Variants in ADAMTSL1 observed in about 807,000 individuals in gnomAD.
The protein encoded by ADAMTSL1 is ADAMTS like 1, also known as ADAMTS-like protein 1.
Under a neutral mutation model 201.8 loss-of-function variants are expected in ADAMTSL1, and 126 were observed. The ratio of observed to expected loss-of-function variants is 0.62; its 90% CI spans 0.54 to 0.72. ADAMTSL1 has a LOEUF of 0.72. ADAMTSL1 is among the 30% of genes least tolerant of loss of function. The pLI is 0.00. For missense variants in ADAMTSL1, 2,679 were observed against 2,277.8 expected, an observed-to-expected ratio of 1.18 and a Z score of -3.59; for synonymous variants, 1,121 against 903.4, an observed-to-expected ratio of 1.24 and a Z score of -4.32.
intron 1 of ADAMTSL1, among the ~76,000 whole-genome samples, chr9:18,122,290 T>C (rs544402498): frequency 6.6e-6 from 1 of 152,290 alleles, no homozygotes; most frequent in Non-Finnish European, 1.5e-5. Context: ...CATGAATAGA[T>C]ACACCATGTG....
intron 2 of ADAMTSL1, among the ~76,000 whole-genome samples, chr9:18,527,493 A>C (rs111364645): frequency 2.0e-5 from 3 of 152,304 alleles, no homozygotes; most frequent in African/African-American, 4.8e-5. Context: ...CTTTTTAAAA[A>C]GGCTTATATG....
chr9:18,161,630 A>C (rs1382535973), intron 1 of ADAMTSL1, among the ~76,000 whole-genome samples: 1 of 152,056 alleles, frequency 6.6e-6, no homozygotes, highest in Non-Finnish European at 1.5e-5. Flanking sequence ...CTAGAGCTTG[A>C]AGAGCTGTGA....
chr9:18,316,832 C>T (rs372383067), intron 2 of ADAMTSL1, among the ~76,000 whole-genome samples: 1 of 152,128 alleles, frequency 6.6e-6, no homozygotes, highest in Non-Finnish European at 1.5e-5. Flanking sequence ...TTACAATCCA[C>T]GTTCTTCTGC....
chr9:18,765,107 T>C (rs923217262), intron 16 of ADAMTSL1, among the ~76,000 whole-genome samples: 2 of 152,252 alleles, frequency 1.3e-5, no homozygotes, highest in Non-Finnish European at 2.9e-5. Context: ...ACTGAACAGC[T>C]TGAATCTGAG....
chr9:18,239,198 A>C (rs1830965508), intron 2 of ADAMTSL1, among the ~76,000 whole-genome samples: 1 of 152,152 alleles, frequency 6.6e-6, no homozygotes, highest in Non-Finnish European at 1.5e-5. Flanking sequence ...AGCTGTAATA[A>C]TACCTTAAGA....
intron 4 of ADAMTSL1, among the ~76,000 whole-genome samples, chr9:18,593,638 A>G (rs1423469088): frequency 2.0e-5 from 3 of 151,850 alleles, no homozygotes; most frequent in East Asian, 3.9e-4. Flanking sequence ...AGGTTTTTCA[A>G]TTTTCTTCTT....
intron 1 of ADAMTSL1, among the ~76,000 whole-genome samples, chr9:17,913,822 A>AG (rs1053462566): frequency 6.6e-6 from 1 of 151,350 alleles, no homozygotes; most frequent in African/African-American, 2.4e-5. Flanking sequence ...AGACGCAATA[A>AG]AAATGATAAT....
At chr9:18,872,039 T>C (rs1212335952) in intron 23 of ADAMTSL1, among the ~76,000 whole-genome samples, 2 of 152,186 alleles carry the variant, frequency 1.3e-5, no homozygotes, top group East Asian at 3.8e-4. Context: ...TAGTTTTTAC[T>C]CCCAGCCACA....
chr9:18,504,784 G>T (rs959599350), intron 1 of ADAMTSL1, 45 bp from the exon 2 acceptor site: 2 of 1,613,902 alleles, frequency 1.2e-6, no homozygotes, highest in Admixed American at 1.7e-5. Context: ...ATGTTTCAGG[G>T]TTCCATGGGG....
intron 2 of ADAMTSL1, among the ~76,000 whole-genome samples, chr9:18,280,751 C>G (rs1587459197): frequency 6.6e-6 from 1 of 152,082 alleles, no homozygotes; most frequent in Admixed American, 6.5e-5. Flanking sequence ...ACCTTGTACC[C>G]TATGATTTTG....
chr9:18,889,808 C>G, intron 25 of ADAMTSL1, 60 bp downstream of exon 25: 2 of 1,388,952 alleles, frequency 1.4e-6, no homozygotes, highest in South Asian at 3.3e-5. Flanking sequence ...TCCCTGTTAG[C>G]GAAGTCAGTG....
At chr9:18,666,382 A>T (rs549958356) in intron 9 of ADAMTSL1, among the ~76,000 whole-genome samples, 1 of 152,290 alleles carries the variant, frequency 6.6e-6, no homozygotes, top group African/African-American at 2.4e-5. Context: ...AGAGACTCAG[A>T]GCTATGACAT....
At chr9:18,470,081 G>A (rs752505823), upstream of ADAMTSL1, among the ~76,000 whole-genome samples, 28 of 152,164 alleles carry the variant, frequency 1.8e-4, no homozygotes, top group South Asian at 2.1e-4. Context: ...ATCTGTCAGC[G>A]TCTCAGATGG....
At chr9:18,716,453 A>G (rs1279030721) in intron 14 of ADAMTSL1, among the ~76,000 whole-genome samples, 5 of 152,202 alleles carry the variant, frequency 3.3e-5, no homozygotes, top group Non-Finnish European at 1.5e-5. Context: ...TTCTCAAAAG[A>G]AGACATTTAT....
intron 1 of ADAMTSL1, among the ~76,000 whole-genome samples, chr9:18,085,580 C>CTG (rs1409664911): frequency 6.9e-6 from 1 of 144,314 alleles, no homozygotes; most frequent in Non-Finnish European, 1.5e-5. Flanking sequence ...TATATACACA[C>CTG]TGTGTGTGTG....
At chr9:18,400,466 G>A (rs573124405) in intron 2 of ADAMTSL1, among the ~76,000 whole-genome samples, 2 of 152,224 alleles carry the variant, frequency 1.3e-5, no homozygotes, top group Non-Finnish European at 2.9e-5. Flanking sequence ...ACTATGTTTC[G>A]TTCATAATAC....
intron 4 of ADAMTSL1, among the ~76,000 whole-genome samples, chr9:18,577,947 A>G (rs1822843646): frequency 6.6e-6 from 1 of 151,736 alleles, no homozygotes; most frequent in South Asian, 2.1e-4. Flanking sequence ...AACTGGAGAT[A>G]GTTTGTCTTA....
chr9:18,406,701 T>C (rs970315558), intron 2 of ADAMTSL1, among the ~76,000 whole-genome samples: 7 of 152,204 alleles, frequency 4.6e-5, no homozygotes, highest in Non-Finnish European at 7.3e-5. Flanking sequence ...TAGTAATCTT[T>C]ATTATTTAGA....
chr9:18,702,031 G>A (rs1228314176), intron 13 of ADAMTSL1, among the ~76,000 whole-genome samples: 1 of 152,184 alleles, frequency 6.6e-6, no homozygotes, highest in African/African-American at 2.4e-5. Context: ...GCAAGGAGGA[G>A]CAAGTCACAT....
Sources: gnomAD v4.1 joint callset for allele counts (sites outside exome capture counted in the v4.1 genomes callset) on GRCh38, gnomAD v4.1.1 for gene constraint, MANE v1.5 for transcripts, NCBI Gene and HGNC (gene_info 2026-07-23, HGNC 2026-07-21) for gene names.